Variants in CDH23 observed in about 807,000 individuals in gnomAD.
The protein encoded by CDH23 is cadherin related 23.
CDH23 carries 189 observed loss-of-function variants against 317.1 expected under a neutral mutation model. The ratio of observed to expected loss-of-function variants is 0.60; its 90% CI spans 0.53 to 0.67. The LOEUF is 0.67. Ranked by LOEUF, CDH23 falls within the 30% of genes least tolerant of loss-of-function variation. The pLI is 0.00. For synonymous variants in CDH23, 1,839 were observed against 1,876.8 expected (o/e 0.98, Z 0.52); for missense variants, 4,401 against 4,592.4 (o/e 0.96, Z 1.20).
At chr10:71,758,848 G>A (rs1484632851) in intron 38 of CDH23, among the ~76,000 whole-genome samples, 5 of 152,148 alleles carry the variant, frequency 3.3e-5, no homozygotes, top group Non-Finnish European at 7.4e-5. Flanking sequence ...GCAACATAGC[G>A]AGAGTGCATC....
intron 3 of CDH23, among the ~76,000 whole-genome samples, chr10:71,504,961 A>G (rs969832674): frequency 6.6e-6 from 1 of 152,194 alleles, no homozygotes; most frequent in Admixed American, 6.5e-5. Context: ...TTAAAAGTTT[A>G]TACTCTGGGC....
intron 1 of CDH23, among the ~76,000 whole-genome samples, chr10:71,436,261 G>A (rs1849613808): frequency 6.6e-6 from 1 of 152,264 alleles, no homozygotes; most frequent in Admixed American, 6.5e-5. Flanking sequence ...CAGTCTGATC[G>A]CCTCCGATGG....
At chr10:71,728,860 C>G (rs1399403745) in intron 30 of CDH23, among the ~76,000 whole-genome samples, 1 of 152,170 alleles carries the variant, frequency 6.6e-6, no homozygotes, top group Non-Finnish European at 1.5e-5. Flanking sequence ...CATGTCACCA[C>G]CCCCGGCTAA....
intron 30 of CDH23, among the ~76,000 whole-genome samples, 160 bp from the exon 31 acceptor site, chr10:71,730,309 G>A (rs1024729220): frequency 6.6e-6 from 1 of 152,202 alleles, no homozygotes; most frequent in Non-Finnish European, 1.5e-5. Flanking sequence ...GTGCAAGGTG[G>A]TGGTCACAGT....
intron 38 of CDH23, chr10:71,742,172 T>C: frequency 1.8e-6 from 1 of 543,894 alleles, no homozygotes; most frequent in South Asian, 2.6e-5. Flanking sequence ...TTTAGTCCTC[T>C]TTTCTCTCAC....
chr10:71,527,936 G>A (rs1564633499), intron 6 of CDH23, among the ~76,000 whole-genome samples: 1 of 152,092 alleles, frequency 6.6e-6, no homozygotes, highest in Non-Finnish European at 1.5e-5. Context: ...GGTCCCCATG[G>A]CTGGACTGGG....
chr10:71,446,531 T>A (rs900885333), intron 3 of CDH23, 136 bp downstream of exon 3: 3 of 790,670 alleles, frequency 3.8e-6, no homozygotes, highest in African/African-American at 3.4e-5. Context: ...GAAAGGCCCC[T>A]GCTAGGATGC....
intron 1 of CDH23, among the ~76,000 whole-genome samples, chr10:71,425,371 A>AGAAG (rs71012285): frequency 0.03 from 2,452 of 82,474 alleles, 65 homozygotes; most frequent in African/African-American, 0.055. Flanking sequence ...AAGAGAGAGG[A>AGAAG]GAAGGAAGGA....
intron 11 of CDH23, among the ~76,000 whole-genome samples, chr10:71,638,860 C>T (rs907023023): frequency 1.3e-5 from 2 of 152,122 alleles, no homozygotes; most frequent in African/African-American, 2.4e-5. Flanking sequence ...CTCAAAGCTA[C>T]CCCCCACTTC....
chr10:71,601,851 C>T (rs1860235666), intron 9 of CDH23, among the ~76,000 whole-genome samples: 1 of 152,140 alleles, frequency 6.6e-6, no homozygotes, highest in Non-Finnish European at 1.5e-5. Flanking sequence ...ACCCTGAGGC[C>T]CAGAGAAGTG....
chr10:71,732,375 G>C lies in CDH23; in HGVS notation c.4104G>C (p.Thr1368=). 2 of 1,559,134 alleles carry C rather than the reference G, an allele frequency of 1.3e-6. No individual in the cohort carries two copies. Among genetic ancestry groups the C allele is most frequent in the Non-Finnish European group, 1.7e-6 (2 of 1,151,090 alleles). The change falls in exon 32 of 70, where the codon ACG becomes ACC. Residue 1368 remains threonine (T), a splice_region_variant and synonymous_variant. Transcript: ENST00000224721. The stretch of plus-strand genomic sequence containing the variant: ...CCCTCTTCAAGATAGACGCCATCAC[G>C]GTGAGGGGCTGGGGGCAGGGAGCAC... ...AKALFKIDAI[T]GVITVQGLVD... is the part of the protein sequence containing the mutation.
chr10:71,788,938 A>T lies in CDH23; in HGVS notation c.5821-2A>T. On this transcript the variant is annotated splice_acceptor_variant, in intron 44 of 69. Coordinates refer to ENST00000224721, the MANE Select transcript of CDH23 (RefSeq NM_022124.6). LOFTEE classifies it high-confidence loss of function. The stretch of plus-strand genomic sequence containing the variant: ...CAACGTGCCCCATTCTGCCCCTTGC[A>T]GGATTATGACTTGCTTCTGATCTTC... The T allele has an allele frequency of 6.5e-7, 1 of 1,529,324 alleles. No individual in the cohort carries two copies. The highest frequency in any genetic ancestry group is 9.1e-7 in the Non-Finnish European group (1 of 1,102,720). 94.7% of individuals were successfully genotyped at this position (1,529,324 alleles called of 1,614,324 possible). A position where few individuals can be genotyped will look rare whatever the true frequency, so the allele number is the denominator to read the frequency against.
chr10:71,669,411 A>T (rs557230632), intron 14 of CDH23, among the ~76,000 whole-genome samples: 1 of 149,914 alleles, frequency 6.7e-6, no homozygotes, highest in East Asian at 2.0e-4. Flanking sequence ...TACATTACTT[A>T]GTTATTTCTC....
At chr10:71,443,651 C>G (rs1183619864) in intron 2 of CDH23, among the ~76,000 whole-genome samples, 1 of 152,198 alleles carries the variant, frequency 6.6e-6, no homozygotes, top group African/African-American at 2.4e-5. Flanking sequence ...ATGGGGTGGG[C>G]CACGTGGGGC....
At chr10:71,557,923 C>T (rs1293179048) in intron 6 of CDH23, among the ~76,000 whole-genome samples, 1 of 152,094 alleles carries the variant, frequency 6.6e-6, no homozygotes, top group African/African-American at 2.4e-5. Flanking sequence ...GAAACAGGTC[C>T]TTCAGATCTG....
At chr10:71,670,486 C>G (rs1021115870) in intron 14 of CDH23, among the ~76,000 whole-genome samples, 1 of 152,050 alleles carries the variant, frequency 6.6e-6, no homozygotes, top group Non-Finnish European at 1.5e-5. Flanking sequence ...AGAGGGATGA[C>G]GAGGGGCTCC....
chr10:71,452,309 G>C (rs1298324452), intron 3 of CDH23, among the ~76,000 whole-genome samples: 1 of 152,148 alleles, frequency 6.6e-6, no homozygotes, highest in Non-Finnish European at 1.5e-5. Context: ...CCATGCCCTG[G>C]AGGGGGGCAG....
intron 9 of CDH23, among the ~76,000 whole-genome samples, chr10:71,578,564 A>G (rs1028894479): frequency 1.3e-5 from 2 of 152,074 alleles, no homozygotes; most frequent in African/African-American, 2.4e-5. Context: ...GACGGCAGAG[A>G]TGGTTCCGGG....
In CDH23 at chr10:71,800,876, C is replaced by T. The variant is rs114741526; in HGVS notation, c.7482+121C>T. ...CAGAGCCCCCCGGTCCCCTTTGAGA[C>T]ACAGTGACAGAAAGGAGAAGGCAAG... is the stretch of plus-strand genomic sequence containing the variant. On this transcript the variant is annotated intron_variant, in intron 53 of 69. Transcript: ENST00000224721. The T allele has an allele frequency of 2.3e-3, 3,138 of 1,369,516 alleles. 54 individuals carry two copies. In the African/African-American group the frequency reaches 0.041, roughly 18 times the overall value. The allele number at this position is 1,369,516 out of a possible 1,614,324, so 84.8% of individuals were successfully genotyped here.
Sources: allele counts gnomAD v4.1 joint callset (sites outside exome capture counted in the v4.1 genomes callset), GRCh38; gene constraint gnomAD v4.1.1; transcripts MANE v1.5; gene names NCBI Gene and HGNC (gene_info 2026-07-23, HGNC 2026-07-21).